The following RALGPS1 variants were observed in gnomAD, a reference collection of about 807,000 sequenced individuals.
RALGPS1 encodes the protein Ral GEF with PH domain and SH3 binding motif 1.
RALGPS1 carries 19 observed loss-of-function variants against 78.8 expected under a neutral mutation model. The observed-to-expected ratio is 0.24, with a 90% CI of 0.17 to 0.35. RALGPS1 has a LOEUF of 0.35. RALGPS1 is among the 10% of genes least tolerant of loss of function. RALGPS1 has a pLI of 1.00. For synonymous variants in RALGPS1, 228 were observed against 256.3 expected, an observed-to-expected ratio of 0.89 and a Z score of 1.06; for missense variants, 454 against 688.3, an observed-to-expected ratio of 0.66 and a Z score of 3.81.
At chr9:126,965,772 CGAG>C (rs2039427521) in intron 2 of RALGPS1, 69 bp from the exon 3 acceptor site, 2 of 1,161,502 alleles carry the variant, frequency 1.7e-6, no homozygotes, top group South Asian at 1.3e-5. Flanking sequence ...TCCTGAATTC[CGAG>C]GAGGTTTGGG....
In RALGPS1 at chr9:127,049,343, CAG is replaced by C. The variant is rs1010236812; in HGVS notation, c.301-699_301-698del. Among the ~76,000 whole-genome samples, 3 of 152,170 alleles carry C rather than the reference CAG, an allele frequency of 2.0e-5. No homozygotes were observed. In the East Asian group the frequency reaches 5.8e-4, roughly 29 times the overall value. On this transcript the variant is annotated intron_variant, in intron 5 of 18. Coordinates refer to ENST00000259351, the MANE Select transcript of RALGPS1 (RefSeq NM_014636.3). ...GACTTTCCTGTTCCACCATCAGACA[CAG>C]GGGTTCAGGCTGTTGCAGTATGTGA...
chr9:127,006,284 C>T (rs552940466), intron 4 of RALGPS1, among the ~76,000 whole-genome samples: 1 of 152,192 alleles, frequency 6.6e-6, no homozygotes, highest in South Asian at 2.1e-4. Context: ...GAAACCTTGA[C>T]GTTGTTTTTC....
chr9:126,942,945 T>A (rs1038618111), intron 1 of RALGPS1, among the ~76,000 whole-genome samples: 1 of 152,182 alleles, frequency 6.6e-6, no homozygotes, highest in African/African-American at 2.4e-5. Context: ...CTTTTGTTAG[T>A]GGGCTCTTGG....
rs999956477 is a variant in RALGPS1 at position 127,091,278 on chromosome 9, A to G, written c.610+21922A>G. ...ATGGCTGGTAGGAGGTGGGGCCAGC[A>G]CTGGAGCCCAGGTGTGTGGCCCAGA... On this transcript the variant is annotated intron_variant, in intron 8 of 18. Transcript: ENST00000259351. This position sits in a 1 kb window ranked among gnomAD's most constrained non-coding sequence, Gnocchi z 4.3. 3.3e-5 allele frequency among the ~76,000 whole-genome samples: 5 copies of G among 152,186 alleles called. No homozygotes were observed. Among genetic ancestry groups the G allele is most frequent in the African/African-American group, 1.2e-4 (5 of 41,438 alleles).
chr9:127,105,635 A>T (rs1261173445), intron 8 of RALGPS1, among the ~76,000 whole-genome samples: 2 of 152,168 alleles, frequency 1.3e-5, no homozygotes. Context: ...CACCACAGTG[A>T]TCAGACAGCC....
chr9:127,214,361 A>T (rs924368113), intron 17 of RALGPS1, among the ~76,000 whole-genome samples: 1 of 152,248 alleles, frequency 6.6e-6, no homozygotes, highest in Non-Finnish European at 1.5e-5. Context: ...TTTACAGTGC[A>T]GTATCGGACC....
At chr9:127,206,723 C>G (rs2061953258) in intron 14 of RALGPS1, among the ~76,000 whole-genome samples, 1 of 152,158 alleles carries the variant, frequency 6.6e-6, no homozygotes, top group Non-Finnish European at 1.5e-5. Context: ...GGAGGTTGCT[C>G]TCCAACCTCC....
chr9:126,987,899 G>C (rs1414233620), intron 4 of RALGPS1, among the ~76,000 whole-genome samples: 1 of 152,186 alleles, frequency 6.6e-6, no homozygotes, highest in Non-Finnish European at 1.5e-5. Flanking sequence ...GCGTATCAAG[G>C]AAAGAGTGAG....
chr9:127,028,823 C>T (rs2046174704), intron 4 of RALGPS1, among the ~76,000 whole-genome samples: 1 of 152,164 alleles, frequency 6.6e-6, no homozygotes, highest in South Asian at 2.1e-4. Context: ...AAGTCAGGCA[C>T]TGAGAGTTTA....
intron 1 of RALGPS1, among the ~76,000 whole-genome samples, chr9:126,922,629 C>T (rs1007274158): frequency 6.6e-6 from 1 of 152,236 alleles, no homozygotes; most frequent in African/African-American, 2.4e-5. Context: ...CTAACACTTT[C>T]AGTCCACTAG....
rs10987575 is a variant in RALGPS1 at position 127,218,506 on chromosome 9, A to T, written c.1645-234A>T. 0.14 allele frequency among the ~76,000 whole-genome samples: 20,805 copies of T among 152,242 alleles called. 1,900 individuals are homozygous for T. The highest frequency in any genetic ancestry group is 0.19 in the Non-Finnish European group (12,984 of 67,994). On this transcript the variant is annotated intron_variant, in intron 18 of 18. Coordinates refer to ENST00000259351, the MANE Select transcript of RALGPS1 (RefSeq NM_014636.3). The surrounding 1 kb of genome is among the most constrained non-coding windows in gnomAD (Gnocchi z 4.4). ...TGAGGACGATCCCAGTGCCTGCCCC[A>T]GGGGTTGAAGTGAGGACTCAAGAAC...
chr9:127,036,467 T>C (rs1260768733), intron 5 of RALGPS1, among the ~76,000 whole-genome samples: 2 of 152,258 alleles, frequency 1.3e-5, no homozygotes, highest in African/African-American at 4.8e-5. Context: ...CTTGCACTGT[T>C]GTTATGAAGA....
chr9:126,975,034 C>T (rs1394596642), intron 3 of RALGPS1, among the ~76,000 whole-genome samples: 2 of 151,996 alleles, frequency 1.3e-5, no homozygotes, highest in African/African-American at 4.8e-5. Context: ...TACTCATCAG[C>T]GACCTCTAAC....
At chr9:127,199,918 A>G (rs1376238965) in intron 14 of RALGPS1, among the ~76,000 whole-genome samples, 11 of 151,950 alleles carry the variant, frequency 7.2e-5, no homozygotes, top group African/African-American at 2.7e-4. Context: ...ACACGTACAC[A>G]TGCACACTCA....
At chr9:126,990,026 G>A in intron 4 of RALGPS1, 1 of 1,549,104 alleles carries the variant, frequency 6.5e-7, no homozygotes, top group South Asian at 1.2e-5. Context: ...TTGTCTGGAT[G>A]CCGTTTGCCT....
intron 7 of RALGPS1, among the ~76,000 whole-genome samples, chr9:127,066,585 G>A (rs1234145882): frequency 6.6e-6 from 1 of 152,192 alleles, no homozygotes; most frequent in African/African-American, 2.4e-5. Context: ...GGGTTGCAGT[G>A]AGCTGAGATT....
intron 5 of RALGPS1, among the ~76,000 whole-genome samples, chr9:127,046,803 GAT>G (rs2047830963): frequency 6.6e-6 from 1 of 151,732 alleles, no homozygotes; most frequent in Non-Finnish European, 1.5e-5. Context: ...CCAGTAGAAA[GAT>G]AGTTCTTCAC....
rs542452889 is a variant in RALGPS1, at chr9:127,121,367, C to T, written c.611-44702C>T. 6.6e-5 allele frequency among the ~76,000 whole-genome samples: 10 copies of T among 152,320 alleles called. No individual in the cohort carries two copies. The South Asian group carries it at 2.1e-3, about 32-fold the overall frequency. The stretch of plus-strand genomic sequence containing the variant: ...AGCTCATGAGGACTGCCCTACTCTG[C>T]CTCCATTTGGAAAAATACATGTGGG... On this transcript the variant is annotated intron_variant, in intron 8 of 18. Coordinates refer to ENST00000259351, the MANE Select transcript of RALGPS1 (RefSeq NM_014636.3).
intron 3 of RALGPS1, among the ~76,000 whole-genome samples, chr9:126,976,911 G>A (rs12349085): frequency 0.013 from 1,962 of 152,350 alleles, 45 homozygotes; most frequent in African/African-American, 0.044. Flanking sequence ...GTCACCAGAT[G>A]AGGTTCTTAT....
Sources: allele counts gnomAD v4.1 joint callset (sites outside exome capture counted in the v4.1 genomes callset), GRCh38; gene constraint gnomAD v4.1.1; non-coding constraint Gnocchi (gnomAD v3.1); transcripts MANE v1.5; gene names NCBI Gene and HGNC (gene_info 2026-07-23, HGNC 2026-07-21).